RAPGEF2: variants seen among roughly 807,000 people sequenced by gnomAD.
RAPGEF2 encodes Rap guanine nucleotide exchange factor 2, also known as PDZ domain containing guanine nucleotide exchange factor (GEF) 1.
A neutral mutation model predicts 186.7 loss-of-function variants in RAPGEF2; 54 were observed. The ratio of observed to expected loss-of-function variants is 0.29; its 90% CI spans 0.23 to 0.36. The LOEUF (loss-of-function observed/expected upper bound fraction) is 0.36. Ranked by LOEUF, RAPGEF2 falls within the 10% of genes least tolerant of loss-of-function variation. The pLI, the probability that RAPGEF2 is intolerant of heterozygous loss-of-function variation, is 1.00. For synonymous variants in RAPGEF2, 712 were observed against 705.9 expected (o/e 1.01, Z -0.14); for missense variants, 1,532 against 2,045.0 (o/e 0.75, Z 4.84).
At chr4:159,332,726 T>G in intron 17 of RAPGEF2, 29 bp downstream of exon 17, 3 of 1,600,698 alleles carry the variant, frequency 1.9e-6, no homozygotes, top group Non-Finnish European at 2.6e-6. Flanking sequence ...CTTCTGTGCA[T>G]TATTTTATTT....
At chr4:159,240,666 C>G (rs1753868761) in intron 5 of RAPGEF2, among the ~76,000 whole-genome samples, 1 of 151,922 alleles carries the variant, frequency 6.6e-6, no homozygotes, top group African/African-American at 2.4e-5. Context: ...TACTTTTAAA[C>G]AACACTATTT....
At chr4:159,263,604 T>C (rs1757116509) in intron 7 of RAPGEF2, among the ~76,000 whole-genome samples, 1 of 152,222 alleles carries the variant, frequency 6.6e-6, no homozygotes, top group Non-Finnish European at 1.5e-5. Flanking sequence ...TCTTCTATAC[T>C]ACTAACTCTA....
chr4:159,194,176 G>A (rs1403139737), intron 3 of RAPGEF2, among the ~76,000 whole-genome samples: 1 of 152,200 alleles, frequency 6.6e-6, no homozygotes, highest in Middle Eastern at 3.2e-3. Flanking sequence ...AACAGTATGT[G>A]CTGGGACGCA....
intron 4 of RAPGEF2, among the ~76,000 whole-genome samples, chr4:159,212,662 T>C (rs907384216): frequency 1.2e-4 from 18 of 152,314 alleles, no homozygotes; most frequent in African/African-American, 3.6e-4. Context: ...TTCCACAATT[T>C]AGTTAATAAT....
At chr4:159,141,958 A>AGT (rs1425624036) in intron 1 of RAPGEF2, among the ~76,000 whole-genome samples, 4 of 152,226 alleles carry the variant, frequency 2.6e-5, no homozygotes, top group Non-Finnish European at 4.4e-5. Flanking sequence ...GAAGTATCTC[A>AGT]GTGTATCACT....
Position 159,244,207 on chromosome 4 carries a change from A to G in RAPGEF2, c.543+416A>G, listed in dbSNP as rs575602050. 2.4e-4 allele frequency among the ~76,000 whole-genome samples: 37 copies of G among 152,036 alleles called. No individual in the cohort carries two copies. In the Middle Eastern group the frequency reaches 0.014, roughly 56 times the overall value. ...TTACATTTTAAATACTACAGATGAA[A>G]ACTTTAAAGTTCAGGAATCTCAATG... On this transcript the variant is annotated intron_variant, in intron 7 of 29. Transcript: ENST00000691494.
At chr4:159,261,920 CTTTATA>C (rs776942251) in intron 7 of RAPGEF2, among the ~76,000 whole-genome samples, 94 of 152,226 alleles carry the variant, frequency 6.2e-4, no homozygotes, top group Non-Finnish European at 1.1e-3. Context: ...TCATGTAGGT[CTTTATA>C]TTTATTCCTG....
chr4:159,291,346 A>C (rs1017648581), intron 7 of RAPGEF2, among the ~76,000 whole-genome samples: 7 of 152,226 alleles, frequency 4.6e-5, no homozygotes, highest in Admixed American at 1.3e-4. Context: ...TCTGCCATCC[A>C]GGCTGGAGTG....
At chr4:159,195,340 G>A (rs2111321947) in intron 3 of RAPGEF2, among the ~76,000 whole-genome samples, 1 of 152,246 alleles carries the variant, frequency 6.6e-6, no homozygotes, top group Non-Finnish European at 1.5e-5. Context: ...ATTTATCAAA[G>A]CAGTCTAGTA....
At chr4:159,308,042 C>CTAGAA (rs1561252996) in intron 8 of RAPGEF2, among the ~76,000 whole-genome samples, 1 of 152,176 alleles carries the variant, frequency 6.6e-6, no homozygotes, top group Non-Finnish European at 1.5e-5. Context: ...GTCATATGTG[C>CTAGAA]TTTTACCTTG....
chr4:159,284,654 T>C (rs151311238), intron 7 of RAPGEF2, among the ~76,000 whole-genome samples: 101 of 152,232 alleles, frequency 6.6e-4, no homozygotes, highest in Non-Finnish European at 1.2e-3. Flanking sequence ...TCTTCATTTT[T>C]GGTTCAGTTC....
intron 7 of RAPGEF2, among the ~76,000 whole-genome samples, chr4:159,259,159 T>C (rs1756521526): frequency 6.6e-6 from 1 of 152,180 alleles, no homozygotes; most frequent in Admixed American, 6.5e-5. Flanking sequence ...CAAACATAGG[T>C]CTTTCCCATT....
chr4:159,214,949 G>A (rs1383693495), intron 4 of RAPGEF2, among the ~76,000 whole-genome samples: 2 of 152,122 alleles, frequency 1.3e-5, no homozygotes, highest in African/African-American at 4.8e-5. Flanking sequence ...TGCAGCCTCC[G>A]CCTTCCACGT....
rs1408258685 is a variant in RAPGEF2, at chr4:159,356,119, G to GC, written c.4923dup (p.Tyr1642LeufsTer12). The stretch of plus-strand genomic sequence containing the variant: ...ACCGAACGAGTCTGACCCGCGCCTC[G>GC]CCCCCTATCAGTCCCAAGGGTTTTC... On this transcript the variant is annotated frameshift_variant, in exon 29 of 30. Coordinates refer to ENST00000691494, the MANE Select transcript of RAPGEF2 (RefSeq NM_001394067.2). LOFTEE classifies it high-confidence loss of function. The GC allele has an allele frequency of 6.2e-7, 1 of 1,613,958 alleles. No individual in the cohort carries two copies. The highest frequency in any genetic ancestry group is 8.5e-7 in the Non-Finnish European group (1 of 1,180,014).
chr4:159,329,859 T>G lies in RAPGEF2; in HGVS notation c.1151T>G (p.Phe384Cys). Residue 384 changes from phenylalanine (F) to cysteine (C), a missense_variant and splice_region_variant, in exon 12 of 30, where the codon TTT becomes TGT. Transcript: ENST00000691494. ...VMRTKVDDCQ[F>C]VCIAQQDYCR... Reference sequence around the variant, plus strand: ...CATGTGACTTATGTTTTATTCCAGTTTGTCTGCATAGCCCAGCAAGATTAC... The same window carrying G: ...CATGTGACTTATGTTTTATTCCAGTGTGTCTGCATAGCCCAGCAAGATTAC... The G allele has an allele frequency of 6.2e-7, 1 of 1,609,730 alleles. No individual in the cohort carries two copies. Among genetic ancestry groups the G allele is most frequent in the Non-Finnish European group, 8.5e-7 (1 of 1,178,064 alleles).
intron 1 of RAPGEF2, among the ~76,000 whole-genome samples, chr4:159,144,748 T>C (rs1273116460): frequency 1.3e-5 from 2 of 152,156 alleles, no homozygotes; most frequent in Non-Finnish European, 2.9e-5. Flanking sequence ...AGAAGCTGCC[T>C]TGTAACATCT....
At chr4:159,342,134 G>A (rs1406481541) in intron 20 of RAPGEF2, among the ~76,000 whole-genome samples, 187 bp downstream of exon 20, 1 of 152,054 alleles carries the variant, frequency 6.6e-6, no homozygotes, top group Non-Finnish European at 1.5e-5. Flanking sequence ...AAAAACAGCT[G>A]TGCCAACCTG....
chr4:159,145,346 A>G (rs959813922), intron 1 of RAPGEF2, among the ~76,000 whole-genome samples: 4 of 152,216 alleles, frequency 2.6e-5, no homozygotes, highest in Non-Finnish European at 4.4e-5. Context: ...GAGCCACACT[A>G]TAAAAGGTAA....
intron 1 of RAPGEF2, among the ~76,000 whole-genome samples, chr4:159,141,694 TG>T (rs1458419866): frequency 1.3e-5 from 2 of 152,204 alleles, no homozygotes; most frequent in African/African-American, 4.8e-5. Flanking sequence ...AAAAAGTCCA[TG>T]CCAGCGATGG....
Sources: allele counts gnomAD v4.1 joint callset (sites outside exome capture counted in the v4.1 genomes callset), GRCh38; gene constraint gnomAD v4.1.1; transcripts MANE v1.5; gene names NCBI Gene and HGNC (gene_info 2026-07-23, HGNC 2026-07-21).